TVP23A: variants seen among roughly 807,000 people sequenced by gnomAD.
The protein encoded by TVP23A is trans-golgi network vesicle protein 23 homolog A, also known as Golgi apparatus membrane protein TVP23 homolog A.
TVP23A carries 21 observed loss-of-function variants against 31.7 expected under a neutral mutation model. The ratio of observed to expected loss-of-function variants is 0.66; its 90% CI spans 0.47 to 0.95. TVP23A has a LOEUF of 0.95. Among genes scored for constraint, TVP23A ranks in the 40% least tolerant of loss-of-function variants. The pLI is 0.00. For synonymous variants in TVP23A, 104 were observed against 96.0 expected (o/e 1.08, Z -0.49); for missense variants, 279 against 255.6 (o/e 1.09, Z -0.62).
At chr16:10,761,672 T>A in intron 8 of TVP23A, 1 of 1,167,910 alleles carries the variant, frequency 8.6e-7, no homozygotes, top group South Asian at 1.5e-5. Context: ...GCCTTTTTTT[T>A]TTTTTTAAGT....
intron 2 of TVP23A, among the ~76,000 whole-genome samples, chr16:10,789,926 A>C (rs934518953): frequency 6.6e-6 from 1 of 151,866 alleles, no homozygotes; most frequent in Non-Finnish European, 1.5e-5. Flanking sequence ...GTTGGTAGGG[A>C]CCTTCTAGGC....
intron 2 of TVP23A, among the ~76,000 whole-genome samples, chr16:10,791,755 G>A (rs1287820693): frequency 6.6e-5 from 10 of 152,080 alleles, no homozygotes; most frequent in East Asian, 1.9e-4. Flanking sequence ...CTACAGGCGC[G>A]TGCCACCATG....
Position 10,771,724 on chromosome 16 carries a change from G to A in TVP23A, c.528C>T (p.Asn176=), listed in dbSNP as rs564688730. ...TGGCTGTGACCTTGCCAATGTCACTGTTGCCTCCCATCTTACAAAGGATGT... is the reference window on the plus strand; with the variant it reads ...TGGCTGTGACCTTGCCAATGTCACTATTGCCTCCCATCTTACAAAGGATGT... ...YGYILCKMGG[N]SDIGKVTASF... is the part of the protein sequence containing the mutation. The change falls in exon 6 of 8, where the codon AAC becomes AAT. Residue 176 remains asparagine (N), a synonymous_variant. Coordinates refer to ENST00000299866, the MANE Select transcript of TVP23A (RefSeq NM_001079512.4). The A allele has an allele frequency of 3.1e-6, 5 of 1,612,634 alleles. No individual in the cohort carries two copies. Among genetic ancestry groups the A allele is most frequent in the Non-Finnish European group, 4.2e-6 (5 of 1,179,372 alleles).
chr16:10,775,310 T>C (rs945764775), intron 2 of TVP23A: 1 of 1,384,924 alleles, frequency 7.2e-7, no homozygotes. Flanking sequence ...TTTTTTTTCC[T>C]CCCCTTCGAA....
At chr16:10,783,584 G>A (rs2032555667) in intron 2 of TVP23A, among the ~76,000 whole-genome samples, 1 of 152,164 alleles carries the variant, frequency 6.6e-6, no homozygotes, top group Non-Finnish European at 1.5e-5. Context: ...GCTGAGGCAT[G>A]AGAATCACTT....
At chr16:10,800,849 G>C (rs190506492) in intron 2 of TVP23A, among the ~76,000 whole-genome samples, 1 of 152,002 alleles carries the variant, frequency 6.6e-6, no homozygotes, top group African/African-American at 2.4e-5. Flanking sequence ...AACTTAGCCA[G>C]GCATGGTGGT....
intron 2 of TVP23A, among the ~76,000 whole-genome samples, chr16:10,803,332 A>G (rs2033799953): frequency 6.6e-6 from 1 of 151,514 alleles, no homozygotes; most frequent in Admixed American, 6.6e-5. Flanking sequence ...AACAACAACA[A>G]CAAAAACACA....
chr16:10,770,512 C>CTGAAA (rs1166025098), intron 6 of TVP23A, among the ~76,000 whole-genome samples, 181 bp from the exon 7 acceptor site: 1 of 151,862 alleles, frequency 6.6e-6, no homozygotes, highest in Non-Finnish European at 1.5e-5. Context: ...CAGGATGAAC[C>CTGAAA]TGGTCAAATT....
chr16:10,802,265 TG>T (rs2033735049), intron 2 of TVP23A, among the ~76,000 whole-genome samples: 1 of 139,110 alleles, frequency 7.2e-6, no homozygotes, highest in East Asian at 2.1e-4. Context: ...TGTGTGTGTG[TG>T]TGTGTGTGTG....
At chr16:10,816,379 A>C (rs533965658) in intron 2 of TVP23A, among the ~76,000 whole-genome samples, 1 of 151,668 alleles carries the variant, frequency 6.6e-6, no homozygotes, top group Admixed American at 6.6e-5. Context: ...TGTCGCCCAG[A>C]CTGGAGTGTA....
chr16:10,791,572 G>A (rs942071183), intron 2 of TVP23A, among the ~76,000 whole-genome samples: 2 of 152,146 alleles, frequency 1.3e-5, no homozygotes, highest in South Asian at 2.1e-4. Context: ...AGGCTACCTC[G>A]GACCAGGCAT....
At chr16:10,812,760 A>C (rs1003514920) in intron 2 of TVP23A, among the ~76,000 whole-genome samples, 1 of 152,210 alleles carries the variant, frequency 6.6e-6, no homozygotes, top group Non-Finnish European at 1.5e-5. Flanking sequence ...AGAGTTGTTA[A>C]ACGGCACAGA....
downstream of TVP23A, chr16:10,757,945 G>A: frequency 6.2e-7 from 1 of 1,614,082 alleles, no homozygotes; most frequent in Non-Finnish European, 8.5e-7. This position sits in a 1 kb window ranked among gnomAD's most constrained non-coding sequence, Gnocchi z 4.1. Flanking sequence ...ACCCCACCTG[G>A]GACGTCGGAT....
chr16:10,759,233 T>A (rs1245078943), downstream of TVP23A, among the ~76,000 whole-genome samples: 1 of 152,180 alleles, frequency 6.6e-6, no homozygotes, highest in African/African-American at 2.4e-5. This position sits in a 1 kb window ranked among gnomAD's most constrained non-coding sequence, Gnocchi z 4.7. Flanking sequence ...ACACAGGTGC[T>A]GGACACAGGG....
chr16:10,818,232 C>T lies in TVP23A; in HGVS notation c.10-50G>A. 6.8e-7 allele frequency: 1 copy of T among 1,461,674 alleles called. No individual in the cohort carries two copies. Among genetic ancestry groups the T allele is most frequent in the Non-Finnish European group, 9.4e-7 (1 of 1,068,188 alleles). 90.5% of individuals were successfully genotyped at this position (1,461,674 alleles called of 1,614,324 possible). A position where few individuals can be genotyped will look rare whatever the true frequency, so the allele number is the denominator to read the frequency against. ...GCAGGCCCAAGCACGGCGCACACCC[C>T]AACCCCACCCGCCCTGTCCTCCTGG... On this transcript the variant is annotated intron_variant, in intron 1 of 7. Transcript: ENST00000299866. The surrounding 1 kb of genome is among the most constrained non-coding windows in gnomAD (Gnocchi z 4.7).
chr16:10,791,222 CTCTTTTTGG>C (rs2142991070), intron 2 of TVP23A, among the ~76,000 whole-genome samples: 1 of 152,274 alleles, frequency 6.6e-6, no homozygotes, highest in Non-Finnish European at 1.5e-5. Flanking sequence ...ACCAGTAACG[CTCTTTTTGG>C]ACATCCTTTG....
At chr16:10,758,320 A>T (rs530808472), downstream of TVP23A, among the ~76,000 whole-genome samples, 6 of 152,224 alleles carry the variant, frequency 3.9e-5, no homozygotes, top group African/African-American at 1.4e-4. Flanking sequence ...AAAATATTTT[A>T]AAATTAGCCA....
At chr16:10,797,566 T>A (rs550621510) in intron 2 of TVP23A, among the ~76,000 whole-genome samples, 8 of 135,134 alleles carry the variant, frequency 5.9e-5, no homozygotes, top group East Asian at 4.7e-4. Context: ...AAAAAAAAAA[T>A]GATTCTTATC....
Position 10,818,195 on chromosome 16 carries a change from C to T in TVP23A, c.10-13G>A, listed in dbSNP as rs1287294227. ...CGTCCACCAGGGCCTGGGAGGAGAG[C>T]AAGGGCAGGTGGCAGGCCCAAGCAC... On this transcript the variant is annotated splice_polypyrimidine_tract_variant and intron_variant, in intron 1 of 7. Transcript: ENST00000299866. This position sits in a 1 kb window ranked among gnomAD's most constrained non-coding sequence, Gnocchi z 4.7. 1.3e-6 allele frequency: 2 copies of T among 1,597,414 alleles called. No individual in the cohort carries two copies. Among genetic ancestry groups the T allele is most frequent in the Non-Finnish European group, 1.7e-6 (2 of 1,172,012 alleles).
Sources: gnomAD v4.1 joint callset for allele counts (sites outside exome capture counted in the v4.1 genomes callset) on GRCh38, gnomAD v4.1.1 for gene constraint, Gnocchi (gnomAD v3.1) non-coding constraint, MANE v1.5 for transcripts, NCBI Gene and HGNC (gene_info 2026-07-23, HGNC 2026-07-21) for gene names.